The following PIP5K1B variants were observed in gnomAD, a reference collection of about 807,000 sequenced individuals.
PIP5K1B encodes the protein phosphatidylinositol 4-phosphate 5-kinase type-1 beta.
PIP5K1B carries 42 observed loss-of-function variants against 67.0 expected under a neutral mutation model. The observed-to-expected ratio is 0.63, with a 90% CI of 0.49 to 0.81. The LOEUF (loss-of-function observed/expected upper bound fraction) is 0.81. PIP5K1B is among the 30% of genes least tolerant of loss of function. PIP5K1B has a pLI of 0.00. For missense variants in PIP5K1B, 459 were observed against 646.3 expected (o/e 0.71, Z 3.14); for synonymous variants, 214 against 231.4 (o/e 0.92, Z 0.68).
chr9:68,843,898 T>C (rs990137230), intron 4 of PIP5K1B, among the ~76,000 whole-genome samples: 2 of 152,040 alleles, frequency 1.3e-5, no homozygotes, highest in Non-Finnish European at 1.5e-5. Flanking sequence ...ACACGGGCCC[T>C]GCCAACATGG....
chr9:68,894,299 T>A (rs370195493), intron 7 of PIP5K1B, 40 bp from the exon 8 acceptor site: 1 of 1,291,066 alleles, frequency 7.7e-7, no homozygotes, highest in Non-Finnish European at 1.1e-6. Flanking sequence ...TTTGTCAAAA[T>A]AGAAGATTGT....
intron 14 of PIP5K1B, among the ~76,000 whole-genome samples, chr9:68,968,767 C>G (rs1308920345): frequency 6.7e-6 from 1 of 149,428 alleles, no homozygotes; most frequent in African/African-American, 2.5e-5. Context: ...AATGTCACAT[C>G]AGCCACTTCA....
chr9:68,865,822 G>A (rs1000389425), intron 5 of PIP5K1B, among the ~76,000 whole-genome samples: 35 of 152,230 alleles, frequency 2.3e-4, no homozygotes, highest in African/African-American at 7.0e-4. Flanking sequence ...TTAACAAGCC[G>A]TCGGGGTGAT....
chr9:68,843,264 T>A (rs1041061207), intron 4 of PIP5K1B: 2 of 152,192 alleles, frequency 1.3e-5, no homozygotes, highest in African/African-American at 4.8e-5. Context: ...AAGACCGCTA[T>A]GGCAGCAGTG....
intron 7 of PIP5K1B, among the ~76,000 whole-genome samples, chr9:68,892,155 G>A (rs1824824286): frequency 6.6e-6 from 1 of 152,154 alleles, no homozygotes; most frequent in Admixed American, 6.5e-5. Flanking sequence ...GATTTCAACT[G>A]CTCCCAAATC....
At chr9:68,815,810 A>G (rs1398085569) in intron 2 of PIP5K1B, among the ~76,000 whole-genome samples, 1 of 152,134 alleles carries the variant, frequency 6.6e-6, no homozygotes, top group African/African-American at 2.4e-5. Context: ...TTTATTCTAG[A>G]AACATAAGGA....
chr9:68,867,250 G>A lies in PIP5K1B; in HGVS notation c.200+3283G>A, dbSNP rs548595917. On this transcript the variant is annotated intron_variant, in intron 5 of 15. Coordinates refer to ENST00000265382, the MANE Select transcript of PIP5K1B (RefSeq NM_003558.4). ...TGTCCCGGTTTGGCTCTACACCCTC[G>A]GACTCCGGCTCCCACGCCACCCTGG... 1.3e-3 allele frequency among the ~76,000 whole-genome samples: 203 copies of A among 151,886 alleles called. 1 individual carries two copies. The highest frequency in any genetic ancestry group is 4.7e-3 in the African/African-American group (194 of 41,402).
intron 14 of PIP5K1B, 21 bp from the exon 15 acceptor site, chr9:68,991,119 C>G (rs1830343790): frequency 2.2e-6 from 3 of 1,369,106 alleles, no homozygotes; most frequent in Admixed American, 1.7e-5. Context: ...TCATGCCCAT[C>G]ATTCATCTTT....
intron 4 of PIP5K1B, among the ~76,000 whole-genome samples, chr9:68,852,461 C>G (rs1406871247): frequency 6.6e-6 from 1 of 151,984 alleles, no homozygotes; most frequent in Non-Finnish European, 1.5e-5. Flanking sequence ...AGGACACAAC[C>G]AGACCGAGTC....
chr9:68,802,016 T>C (rs1832628485), intron 2 of PIP5K1B, among the ~76,000 whole-genome samples: 1 of 152,256 alleles, frequency 6.6e-6, no homozygotes, highest in Non-Finnish European at 1.5e-5. Context: ...TGGCTCCTTT[T>C]ATTTTCTTTG....
At chr9:68,882,640 A>G (rs1414950) in intron 6 of PIP5K1B, among the ~76,000 whole-genome samples, 2,434 of 152,144 alleles carry the variant, frequency 0.016, 58 homozygotes, top group African/African-American at 0.053. Context: ...TCAATTTGCA[A>G]CCTCTAATTT....
intron 13 of PIP5K1B, among the ~76,000 whole-genome samples, chr9:68,937,959 C>CT (rs1327611474): frequency 6.6e-6 from 1 of 152,134 alleles, no homozygotes; most frequent in Non-Finnish European, 1.5e-5. Context: ...GCACTGTAGT[C>CT]TGAGAGACTG....
chr9:68,931,730 C>A (rs1194800426), intron 12 of PIP5K1B, among the ~76,000 whole-genome samples: 2 of 152,134 alleles, frequency 1.3e-5, no homozygotes, highest in African/African-American at 4.8e-5. Flanking sequence ...GAAGGGTGAG[C>A]TGAAAAGTGA....
chr9:68,802,910 A>G lies in PIP5K1B; in HGVS notation c.-85-15551A>G, dbSNP rs1158823741. ...AGGATTTTAAAGAAGGAGAGTGGTTAGACAGATTTGCATATAGAAAAGTCC... is the reference window on the plus strand; with the variant it reads ...AGGATTTTAAAGAAGGAGAGTGGTTGGACAGATTTGCATATAGAAAAGTCC... On this transcript the variant is annotated intron_variant, in intron 2 of 15. Coordinates refer to ENST00000265382, the MANE Select transcript of PIP5K1B (RefSeq NM_003558.4). Among the ~76,000 whole-genome samples the G allele has an allele frequency of 1.3e-5, 2 of 152,198 alleles. 1 individual carries two copies. The highest frequency in any genetic ancestry group is 1.3e-4 in the Admixed American group (2 of 15,278).
chr9:68,963,265 G>A (rs1056750113), intron 14 of PIP5K1B: 3 of 454,910 alleles, frequency 6.6e-6, no homozygotes, highest in African/African-American at 6.0e-5. Context: ...CACTTTGCGA[G>A]GCCGAGGCAG....
At chr9:68,813,756 A>G (rs1199262974) in intron 2 of PIP5K1B, among the ~76,000 whole-genome samples, 1 of 152,204 alleles carries the variant, frequency 6.6e-6, no homozygotes, top group East Asian at 1.9e-4. Context: ...GACAGAGGCC[A>G]GGGCTGGAGT....
At chr9:68,941,466 G>A (rs1017793681) in intron 14 of PIP5K1B, among the ~76,000 whole-genome samples, 5 of 152,156 alleles carry the variant, frequency 3.3e-5, no homozygotes, top group Admixed American at 1.3e-4. Context: ...TTGCATGCCT[G>A]TAATCAAAAT....
intron 2 of PIP5K1B, among the ~76,000 whole-genome samples, chr9:68,744,428 C>T (rs1012189339): frequency 6.6e-6 from 1 of 152,178 alleles, no homozygotes; most frequent in African/African-American, 2.4e-5. Flanking sequence ...TATTCTGATT[C>T]CTCATATATA....
At chr9:68,898,654 T>C (rs528326587) in intron 8 of PIP5K1B, among the ~76,000 whole-genome samples, 4 of 152,260 alleles carry the variant, frequency 2.6e-5, no homozygotes, top group South Asian at 2.1e-4. Flanking sequence ...CCAGGGAACA[T>C]GACCATCGTG....
Sources: allele counts gnomAD v4.1 joint callset (sites outside exome capture counted in the v4.1 genomes callset), GRCh38; gene constraint gnomAD v4.1.1; transcripts MANE v1.5; gene names NCBI Gene and HGNC (gene_info 2026-07-23, HGNC 2026-07-21).